UGGT2: variants seen among roughly 807,000 people sequenced by gnomAD.
The protein encoded by UGGT2 is UDP-glucose:glycoprotein glucosyltransferase 2.
UGGT2 carries 180 observed loss-of-function variants against 192.1 expected under a neutral mutation model. That is an observed-to-expected ratio of 0.94 (90% CI 0.83 to 1.06). The LOEUF (loss-of-function observed/expected upper bound fraction) is 1.06, where lower values mean the gene tolerates loss of function less well. UGGT2 is among the 50% of genes least tolerant of loss of function. The probability of loss-of-function intolerance (pLI) is 0.00; values close to 1 mark genes in which losing one functional copy is unlikely to be tolerated. For missense variants in UGGT2, 1,849 were observed against 1,795.7 expected (o/e 1.03, Z -0.54); for synonymous variants, 580 against 591.0 (o/e 0.98, Z 0.27).
At chr13:95,934,935 C>T (rs749335558) in intron 17 of UGGT2, among the ~76,000 whole-genome samples, 1 of 152,160 alleles carries the variant, frequency 6.6e-6, no homozygotes, top group Non-Finnish European at 1.5e-5. Flanking sequence ...TTTTACGAAT[C>T]TGGGTGCTCC....
chr13:95,915,410 G>A (rs1329911314), intron 20 of UGGT2, among the ~76,000 whole-genome samples: 1 of 152,032 alleles, frequency 6.6e-6, no homozygotes, highest in Non-Finnish European at 1.5e-5. Flanking sequence ...CCCTATGCAC[G>A]CTACCCCTGC....
At chr13:95,915,890 C>G (rs1054999484) in intron 20 of UGGT2, among the ~76,000 whole-genome samples, 2 of 152,206 alleles carry the variant, frequency 1.3e-5, no homozygotes, top group Non-Finnish European at 2.9e-5. Context: ...AAAGACAGAG[C>G]TTTGATCTCT....
chr13:95,868,806 G>T (rs4383020), intron 29 of UGGT2, among the ~76,000 whole-genome samples: 121,838 of 151,968 alleles, frequency 0.8, 49,269 homozygotes, highest in East Asian at 0.93. Context: ...AGACAAATTC[G>T]AAAGCAAATC....
chr13:95,855,838 C>A (rs979996272), intron 34 of UGGT2, among the ~76,000 whole-genome samples: 1 of 152,126 alleles, frequency 6.6e-6, no homozygotes, highest in Non-Finnish European at 1.5e-5. Flanking sequence ...AATATCAGCA[C>A]ATAATTTACA....
chr13:95,940,250 T>A (rs1042220245), intron 15 of UGGT2, among the ~76,000 whole-genome samples, 159 bp from the exon 16 acceptor site: 5 of 151,908 alleles, frequency 3.3e-5, no homozygotes, highest in African/African-American at 1.2e-4. Context: ...ATATATCATC[T>A]TTTAATAAAG....
At chr13:95,840,459 TTA>T (rs1887747309) in intron 36 of UGGT2, among the ~76,000 whole-genome samples, 1 of 152,146 alleles carries the variant, frequency 6.6e-6, no homozygotes, top group African/African-American at 2.4e-5. Context: ...TCATCACTGA[TTA>T]TTAGAGAAAT....
intron 19 of UGGT2, among the ~76,000 whole-genome samples, chr13:95,926,468 G>A (rs1411440217): frequency 6.6e-6 from 1 of 152,050 alleles, no homozygotes; most frequent in East Asian, 1.9e-4. Flanking sequence ...TATTTCTAGA[G>A]CAAAGCAGGC....
intron 9 of UGGT2, among the ~76,000 whole-genome samples, chr13:95,984,570 C>T (rs2051231540): frequency 6.6e-6 from 1 of 152,018 alleles, no homozygotes; most frequent in Admixed American, 6.6e-5. Context: ...CCTCAAGTGA[C>T]CCTCCTACTG....
At chr13:95,882,920 TC>T (rs2047534061) in intron 27 of UGGT2, among the ~76,000 whole-genome samples, 1 of 152,178 alleles carries the variant, frequency 6.6e-6, no homozygotes, top group African/African-American at 2.4e-5. Flanking sequence ...CATGAAGAAT[TC>T]CAGACTCTAT....
chr13:96,036,168 G>A (rs951136801), intron 1 of UGGT2, among the ~76,000 whole-genome samples: 8 of 152,136 alleles, frequency 5.3e-5, no homozygotes, highest in African/African-American at 1.9e-4. Context: ...CCCCATCAAT[G>A]ATAGACTGAA....
At chr13:95,915,039 C>T (rs2048638092) in intron 20 of UGGT2, among the ~76,000 whole-genome samples, 1 of 152,100 alleles carries the variant, frequency 6.6e-6, no homozygotes, top group African/African-American at 2.4e-5. Flanking sequence ...TTATCTGGCA[C>T]CTCATTCTTC....
At chr13:95,907,334 G>C (rs2048325612) in intron 20 of UGGT2, among the ~76,000 whole-genome samples, 1 of 152,244 alleles carries the variant, frequency 6.6e-6, no homozygotes, top group Non-Finnish European at 1.5e-5. Context: ...GCAGGGCTTA[G>C]CAGAACAAAA....
At position 95,934,949 on chromosome 13, in the gene UGGT2, G is replaced by A. The variant is rs138252634; in HGVS notation, c.1977+1975C>T. Reference sequence around the variant, plus strand: ...GTTTTACGAATCTGGGTGCTCCAGTGTTGGTGCATATATATTTGGGACACT... The same window carrying A: ...GTTTTACGAATCTGGGTGCTCCAGTATTGGTGCATATATATTTGGGACACT... On this transcript the variant is annotated intron_variant, in intron 17 of 38. Transcript: ENST00000376747. 3.2e-3 allele frequency among the ~76,000 whole-genome samples: 480 copies of A among 152,298 alleles called. 2 individuals carry two copies. Among genetic ancestry groups the A allele is most frequent in the African/African-American group, 0.011 (464 of 41,554 alleles).
intron 14 of UGGT2, 52 bp downstream of exon 14, chr13:95,947,944 T>C (rs1391005363): frequency 6.9e-7 from 1 of 1,454,644 alleles, no homozygotes; most frequent in African/African-American, 1.4e-5. Flanking sequence ...ACAATATGAA[T>C]AACATTGAAT....
chr13:96,006,722 GA>G (rs917631464), intron 5 of UGGT2, among the ~76,000 whole-genome samples: 5 of 146,540 alleles, frequency 3.4e-5, no homozygotes, highest in African/African-American at 1.3e-4. Flanking sequence ...AGTAGAGAAA[GA>G]AAGGAAAAAA....
At chr13:95,990,307 C>T (rs1297403558) in intron 7 of UGGT2, 1 of 243,120 alleles carries the variant, frequency 4.1e-6, no homozygotes, top group Non-Finnish European at 7.9e-6. Context: ...GAGGAATATA[C>T]TCTCAATTGT....
chr13:95,958,273 T>G (rs186609622), intron 12 of UGGT2, among the ~76,000 whole-genome samples: 1 of 152,174 alleles, frequency 6.6e-6, no homozygotes, highest in African/African-American at 2.4e-5. Context: ...TGCCTCAGCC[T>G]CCCGAGTAGC....
In UGGT2 at chr13:96,053,307, C is replaced by T. The variant is rs150986276; in HGVS notation, c.6G>A (p.Ala2=). The change falls in exon 1 of 39, where the codon GCG becomes GCA. Residue 2 remains alanine (A), a synonymous_variant. Transcript: ENST00000376747. M[A]PAKATNVVRL... is the part of the protein sequence containing the mutation. ...GCACCACGTTCGTGGCTTTCGCTGG[C>T]GCCATGGCACGGAGAGAAAAGCGCG... is the stretch of plus-strand genomic sequence containing the variant. 7.6e-6 allele frequency: 12 copies of T among 1,579,230 alleles called. No homozygotes were observed. In the African/African-American group the frequency reaches 1.4e-4, roughly 18 times the overall value.
chr13:95,958,072 A>G (rs1461390690), intron 12 of UGGT2, among the ~76,000 whole-genome samples: 1 of 152,212 alleles, frequency 6.6e-6, no homozygotes, highest in East Asian at 1.9e-4. Context: ...TTTGTTATTT[A>G]TCCTGAATCT....
Sources: gnomAD v4.1 joint callset for allele counts (sites outside exome capture counted in the v4.1 genomes callset) on GRCh38, gnomAD v4.1.1 for gene constraint, MANE v1.5 for transcripts, NCBI Gene and HGNC (gene_info 2026-07-23, HGNC 2026-07-21) for gene names.